The following RNF31 variants were observed in gnomAD, a reference collection of about 807,000 sequenced individuals.
RNF31 encodes the protein E3 ubiquitin-protein ligase RNF31.
RNF31 carries 38 observed loss-of-function variants against 133.6 expected under a neutral mutation model. The observed-to-expected ratio is 0.28, with a 90% CI of 0.22 to 0.37. The LOEUF is 0.37. RNF31 is among the 10% of genes least tolerant of loss of function. The pLI is 1.00. For synonymous variants in RNF31, 582 were observed against 552.3 expected, an observed-to-expected ratio of 1.05 and a Z score of -0.75; for missense variants, 1,118 against 1,394.1, an observed-to-expected ratio of 0.80 and a Z score of 3.15.
At position 24,155,565 on chromosome 14, in the gene RNF31, G is replaced by T. The variant is rs1377134362; in HGVS notation, c.2404-38G>T. The T allele has an allele frequency of 6.2e-7, 1 of 1,613,694 alleles. No homozygotes were observed. The highest frequency in any genetic ancestry group is 8.5e-7 in the Non-Finnish European group (1 of 1,179,644). ...GTGGAGGGGCAGGGGATGGTTCCAG[G>T]TCAGGCCTTTGATAACTTTATGCTC... On this transcript the variant is annotated intron_variant, in intron 13 of 20. Transcript: ENST00000324103. The surrounding 1 kb of genome is among the most constrained non-coding windows in gnomAD (Gnocchi z 4.9).
At chr14:24,146,937 G>T, upstream of RNF31, 1 of 333,688 alleles carries the variant, frequency 3.0e-6, no homozygotes, top group South Asian at 3.4e-5. Flanking sequence ...GGCAAAGGGG[G>T]TATTCAGTGG....
rs2038333651 is a variant in RNF31, at chr14:24,155,789, A to C, written c.2493+97A>C. 2.0e-6 allele frequency: 2 copies of C among 1,021,112 alleles called. No individual in the cohort carries two copies. The highest frequency in any genetic ancestry group is 3.0e-6 in the Non-Finnish European group (2 of 657,998). The allele number at this position is 1,021,112 out of a possible 1,614,324, so 63.3% of individuals were successfully genotyped here. The stretch of plus-strand genomic sequence containing the variant: ...TTGTGTACTGGAGAGCAAAACAGAC[A>C]TGAGCTCTGAGGTCAAAAGAGCTTA... On this transcript the variant is annotated intron_variant, in intron 14 of 20. Coordinates refer to ENST00000324103, the MANE Select transcript of RNF31 (RefSeq NM_017999.5). The surrounding 1 kb of genome is among the most constrained non-coding windows in gnomAD (Gnocchi z 4.9).
chr14:24,154,678 C>T (rs1594380082), intron 11 of RNF31, among the ~76,000 whole-genome samples: 1 of 152,310 alleles, frequency 6.6e-6, no homozygotes, highest in East Asian at 1.9e-4. Context: ...TCATTTTTCT[C>T]ATGGATATGC....
At chr14:24,149,251 C>A in intron 5 of RNF31, 155 bp from the exon 6 acceptor site, 1 of 787,956 alleles carries the variant, frequency 1.3e-6, no homozygotes, top group Admixed American at 2.9e-5. Context: ...GCATGAGCCA[C>A]CACGCCCGGC....
In RNF31 at chr14:24,150,580, TTC is replaced by T. The variant is rs1230672327; in HGVS notation, c.1198-12_1198-11del. The T allele has an allele frequency of 2.5e-6, 4 of 1,601,096 alleles. No homozygotes were observed. The highest frequency in any genetic ancestry group is 3.4e-6 in the Non-Finnish European group (4 of 1,170,198). The stretch of plus-strand genomic sequence containing the variant: ...TTCAGCCAGCCAGTCAAAGGGATAA[TTC>T]TCTCTGCCTTCCCAGCAGGGGGATG... On this transcript the variant is annotated splice_polypyrimidine_tract_variant and intron_variant, in intron 7 of 20. Coordinates refer to ENST00000324103, the MANE Select transcript of RNF31 (RefSeq NM_017999.5).
chr14:24,151,100 G>A lies in RNF31; in HGVS notation c.1489-31G>A. The A allele has an allele frequency of 4.3e-6, 7 of 1,609,752 alleles. No individual in the cohort carries two copies. Among genetic ancestry groups the A allele is most frequent in the Non-Finnish European group, 5.1e-6 (6 of 1,177,274 alleles). On this transcript the variant is annotated intron_variant, in intron 8 of 20. Transcript: ENST00000324103. This position sits in a 1 kb window ranked among gnomAD's most constrained non-coding sequence, Gnocchi z 5.3. The stretch of plus-strand genomic sequence containing the variant: ...TTCAGGCTGAGGGTGGGTGAAGGGT[G>A]CCCCTCCTGATGGGCGGGACTGTGC...
chr14:24,151,242 A>G lies in RNF31; in HGVS notation c.1600A>G (p.Met534Val). 6.2e-7 allele frequency: 1 copy of G among 1,613,954 alleles called. No individual in the cohort carries two copies. The highest frequency in any genetic ancestry group is 8.5e-7 in the Non-Finnish European group (1 of 1,179,986). ...LRSELPYVLEMVAELAGQQDP... is the reference protein window; with the variant it reads ...LRSELPYVLEVVAELAGQQDP... Reference sequence around the variant, plus strand: ...CTCAGAACTGCCCTACGTCCTGGAGATGGTGGCTGAGCTGGCTGGACAGCA... The same window carrying G: ...CTCAGAACTGCCCTACGTCCTGGAGGTGGTGGCTGAGCTGGCTGGACAGCA... The change falls in exon 9 of 21, where the codon ATG becomes GTG. Residue 534 changes from methionine (M) to valine (V), a missense_variant. Transcript: ENST00000324103. The surrounding 1 kb of genome is among the most constrained non-coding windows in gnomAD (Gnocchi z 5.3).
At chr14:24,153,239 G>A (rs2038294871) in intron 11 of RNF31, among the ~76,000 whole-genome samples, 1 of 151,984 alleles carries the variant, frequency 6.6e-6, no homozygotes, top group African/African-American at 2.4e-5. Context: ...GAAGCCAGGA[G>A]TTAGAGACCA....
At chr14:24,149,975 T>C (rs2139078544) in intron 6 of RNF31, 86 bp from the exon 7 acceptor site, 4 of 1,463,024 alleles carry the variant, frequency 2.7e-6, no homozygotes, top group Admixed American at 2.2e-5. Context: ...CATGAGTTGT[T>C]ACCCAGGAAA....
In RNF31 at chr14:24,150,462, C is replaced by T. The variant is rs1566613424; in HGVS notation, c.1197+14C>T. ...CAACCCCTTCAGGTAACTGGCCTTCCCAGCTCTTTATCGTGTGTTACCTCA... is the reference window on the plus strand; with the variant it reads ...CAACCCCTTCAGGTAACTGGCCTTCTCAGCTCTTTATCGTGTGTTACCTCA... On this transcript the variant is annotated intron_variant, in intron 7 of 20. Coordinates refer to ENST00000324103, the MANE Select transcript of RNF31 (RefSeq NM_017999.5). 2 of 1,601,632 alleles carry T rather than the reference C, an allele frequency of 1.2e-6. No individual in the cohort carries two copies.
At position 24,157,583 on chromosome 14, in the gene RNF31, C is replaced by G. The variant is rs747899002; in HGVS notation, c.2672C>G (p.Thr891Ser). Residue 891 changes from threonine to serine, a missense_variant, in exon 16 of 21, where the codon ACC (threonine) becomes AGC (serine). Thr to Ser is a moderately conservative substitution (Grantham distance 58, BLOSUM62 1). Around this residue, in one of 3 missense-constraint regions of RNF31, gnomAD observed 201 missense variants for 371.7 expected, o/e 0.54. Transcript: ENST00000324103. The part of the protein sequence containing the change: ...ARGGCMHFHC[T>S]QCRHQFCSGC... ...GGAGGCTGCATGCACTTTCACTGTA[C>G]CCAGTGCCGCCACCAGTTCTGCAGC... The G allele has an allele frequency of 6.2e-7, 1 of 1,614,150 alleles. No homozygotes were observed. Among genetic ancestry groups the G allele is most frequent in the Admixed American group, 1.7e-5 (1 of 60,000 alleles).
At chr14:24,154,384 C>T (rs564194517) in intron 11 of RNF31, among the ~76,000 whole-genome samples, 39 of 152,256 alleles carry the variant, frequency 2.6e-4, no homozygotes, top group Non-Finnish European at 5.6e-4. Context: ...TCAGGTGATC[C>T]GCCTGCCTCA....
rs2038250954 is a variant in RNF31 at position 24,150,657 on chromosome 14, C to T, written c.1257C>T (p.Thr419=). 2.5e-6 allele frequency: 4 copies of T among 1,614,122 alleles called. No individual in the cohort carries two copies. The African/African-American group carries it at 4.0e-5, about 16-fold the overall frequency. Residue 419 remains threonine, a synonymous_variant, in exon 8 of 21, where the codon ACC becomes ACT. Coordinates refer to ENST00000324103, the MANE Select transcript of RNF31 (RefSeq NM_017999.5). ...AAGTCTGGTACTGTATTCACTGTACCTTCTGCAACTCGAGCCCTGGCTGGG... is the reference window on the plus strand; with the variant it reads ...AAGTCTGGTACTGTATTCACTGTACTTTCTGCAACTCGAGCCCTGGCTGGG... ...QSQVWYCIHC[T]FCNSSPGWVC... is the part of the protein sequence containing the mutation.
rs190587526 is a variant in RNF31 at position 24,159,304 on chromosome 14, G to A, written c.2900-560G>A. ...GGAGATTGCAGTGAGCCAAGATTGC[G>A]CCATTGCACTCCAGTCCAGCCTGGG... is the stretch of plus-strand genomic sequence containing the variant. On this transcript the variant is annotated intron_variant, in intron 18 of 20. Coordinates refer to ENST00000324103, the MANE Select transcript of RNF31 (RefSeq NM_017999.5). Among the ~76,000 whole-genome samples the A allele has an allele frequency of 8.5e-5, 12 of 141,088 alleles. No individual in the cohort carries two copies. In the South Asian group the frequency reaches 1.5e-3, roughly 18 times the overall value. 92.6% of individuals were successfully genotyped at this position (141,088 alleles called of 152,430 possible).
rs1183814913 is a variant in RNF31 at position 24,160,432 on chromosome 14, T to C, written c.3165+25T>C. 1.9e-6 allele frequency: 3 copies of C among 1,609,278 alleles called. No individual in the cohort carries two copies. The highest frequency in any genetic ancestry group is 2.6e-6 in the Non-Finnish European group (3 of 1,176,450). ...GGTATAGCCTCCACCCAGCCTCATC[T>C]CTTAACCCACCCTACAGAAGTCACC... On this transcript the variant is annotated intron_variant, in intron 20 of 20. Transcript: ENST00000324103. This position sits in a 1 kb window ranked among gnomAD's most constrained non-coding sequence, Gnocchi z 4.0.
chr14:24,150,145 A>G lies in RNF31; in HGVS notation c.894A>G (p.Ala298=), dbSNP rs757365170. ...GCTCTCTTTCTTCCCCTAATCCTGC[A>G]AGTGCTCATTTGCCCTGGCACTGTG... is the stretch of plus-strand genomic sequence containing the variant. ...GDSSLSSPNP[A]SAHLPWHCAA... The change falls in exon 7 of 21, where the codon GCA becomes GCG. Residue 298 remains alanine, a synonymous_variant. Transcript: ENST00000324103. The G allele has an allele frequency of 6.2e-7, 1 of 1,613,046 alleles. No homozygotes were observed. Among genetic ancestry groups the G allele is most frequent in the South Asian group, 1.1e-5 (1 of 91,058 alleles).
chr14:24,156,807 A>G (rs1478076478), intron 14 of RNF31, among the ~76,000 whole-genome samples: 1 of 152,020 alleles, frequency 6.6e-6, no homozygotes, highest in African/African-American at 2.4e-5. Context: ...GTAATATTTG[A>G]TACGAAAAAA....
In RNF31 at chr14:24,157,592, G is replaced by A. The variant is rs899095411; in HGVS notation, c.2681G>A (p.Arg894His). 6.2e-6 allele frequency: 10 copies of A among 1,613,982 alleles called. No individual in the cohort carries two copies. The highest frequency in any genetic ancestry group is 7.6e-6 in the Non-Finnish European group (9 of 1,180,018). The change falls in exon 16 of 21, where the codon CGC becomes CAC. Residue 894 changes from arginine to histidine, a missense_variant. By Grantham distance (29) the Arg-to-His change is conservative. This residue lies in a region of RNF31 where 201 missense variants were observed against 371.7 expected (regional missense o/e 0.54). Coordinates refer to ENST00000324103, the MANE Select transcript of RNF31 (RefSeq NM_017999.5). ...ATGCACTTTCACTGTACCCAGTGCC[G>A]CCACCAGTTCTGCAGCGGCTGCTAC... ...GCMHFHCTQCRHQFCSGCYNA... is the reference protein window; with the variant it reads ...GCMHFHCTQCHHQFCSGCYNA...
In RNF31 at chr14:24,160,113, C is replaced by A; in HGVS notation, c.2997-126C>A. Reference sequence around the variant, plus strand: ...GGGCAAGGGCATGGGTAGATAGTAGCAGGCAGTGTGGGCACAGGTGGGTTG... The same window carrying A: ...GGGCAAGGGCATGGGTAGATAGTAGAAGGCAGTGTGGGCACAGGTGGGTTG... On this transcript the variant is annotated intron_variant, in intron 19 of 20. Coordinates refer to ENST00000324103, the MANE Select transcript of RNF31 (RefSeq NM_017999.5). The surrounding 1 kb of genome is among the most constrained non-coding windows in gnomAD (Gnocchi z 4.0). The A allele has an allele frequency of 7.6e-7, 1 of 1,323,126 alleles. No homozygotes were observed. The highest frequency in any genetic ancestry group is 1.0e-6 in the Non-Finnish European group (1 of 953,456). The allele number at this position is 1,323,126 out of a possible 1,614,324, so 82.0% of individuals were successfully genotyped here.
Sources: gnomAD v4.1 joint callset for allele counts (sites outside exome capture counted in the v4.1 genomes callset) on GRCh38, gnomAD v4.1.1 for gene constraint, gnomAD v4.1.1 regional missense constraint, Gnocchi (gnomAD v3.1) non-coding constraint, MANE v1.5 for transcripts, NCBI Gene and HGNC (gene_info 2026-07-23, HGNC 2026-07-21) for gene names.